The following SERPINI2 variants were observed in gnomAD, a reference collection of about 807,000 sequenced individuals.
SERPINI2 encodes the protein serpin I2.
A neutral mutation model predicts 47.3 loss-of-function variants in SERPINI2; 48 were observed. The observed-to-expected ratio is 1.02, with a 90% CI of 0.81 to 1.29. SERPINI2 has a LOEUF of 1.29. Among genes scored for constraint, SERPINI2 ranks in the 50% most tolerant of loss-of-function variants. The pLI, the probability that SERPINI2 is intolerant of heterozygous loss-of-function variation, is 0.00. For missense variants in SERPINI2, 448 were observed against 456.9 expected (o/e 0.98, Z 0.18); for synonymous variants, 135 against 149.3 (o/e 0.90, Z 0.70).
chr3:167,458,829 T>G (rs894960473), intron 5 of SERPINI2, among the ~76,000 whole-genome samples: 8 of 152,198 alleles, frequency 5.3e-5, no homozygotes, highest in Admixed American at 5.2e-4. Context: ...CTCAGTTTTC[T>G]TATCTGTGAA....
At chr3:167,446,303 T>A (rs537707425) in intron 8 of SERPINI2, 89 bp downstream of exon 8, 1 of 772,078 alleles carries the variant, frequency 1.3e-6, no homozygotes, top group African/African-American at 1.8e-5. Context: ...AAAGAACAAA[T>A]GACTTCAGAT....
rs201301916 is a variant in SERPINI2 at position 167,461,241 on chromosome 3, C to CA, written c.866+3964dup. The stretch of plus-strand genomic sequence containing the variant: ...ATTGACTGGGCAGTGATCTTTTTAA[C>CA]AAAAAAAAATAAAATAAAGCCGTCA... On this transcript the variant is annotated intron_variant, in intron 5 of 8. Coordinates refer to ENST00000264677, the Ensembl canonical transcript of SERPINI2. Among the ~76,000 whole-genome samples, 781 of 149,524 alleles carry CA rather than the reference C, an allele frequency of 5.2e-3. 1 individual carries two copies. Among genetic ancestry groups the CA allele is most frequent in the South Asian group, 0.011 (53 of 4,704 alleles).
intron 1 of SERPINI2, 136 bp downstream of exon 1, chr3:167,473,867 T>A (rs1208296828): frequency 6.6e-6 from 8 of 1,209,612 alleles, no homozygotes. Context: ...ATAAAAGCGA[T>A]ATGTTAATTA....
chr3:167,454,591 A>G (rs1425414341), intron 5 of SERPINI2, among the ~76,000 whole-genome samples: 2 of 152,200 alleles, frequency 1.3e-5, no homozygotes, highest in Non-Finnish European at 2.9e-5. Flanking sequence ...GGGCTATAAT[A>G]GTCCAATAAT....
At chr3:167,466,223 C>T (rs768365306) in intron 3 of SERPINI2, among the ~76,000 whole-genome samples, 18 of 152,254 alleles carry the variant, frequency 1.2e-4, no homozygotes, top group South Asian at 4.1e-4. Flanking sequence ...GACTGGGTGC[C>T]ATGGAGCTGT....
chr3:167,470,299 T>G (rs1750267640), intron 2 of SERPINI2, among the ~76,000 whole-genome samples: 1 of 152,150 alleles, frequency 6.6e-6, no homozygotes, highest in Non-Finnish European at 1.5e-5. Flanking sequence ...ACCAACGTCT[T>G]TTCTGTATAA....
chr3:167,458,580 C>A (rs985048594), intron 5 of SERPINI2, among the ~76,000 whole-genome samples: 1 of 152,050 alleles, frequency 6.6e-6, no homozygotes, highest in Non-Finnish European at 1.5e-5. Flanking sequence ...GAATTTCTTG[C>A]ACAAATCTTG....
chr3:167,453,048 A>T lies in SERPINI2; in HGVS notation c.867-15T>A. On this transcript the variant is annotated splice_polypyrimidine_tract_variant and intron_variant, in intron 5 of 8. Coordinates refer to ENST00000264677, the Ensembl canonical transcript of SERPINI2. Reference sequence around the variant, plus strand: ...CTACTTTAAATCTGTTATTAAAAAAAAAAGAAAAAGAAAAGTCTTGAAACA... The same window carrying T: ...CTACTTTAAATCTGTTATTAAAAAATAAAGAAAAAGAAAAGTCTTGAAACA... The T allele has an allele frequency of 2.1e-6, 3 of 1,428,212 alleles. No individual in the cohort carries two copies. Among genetic ancestry groups the T allele is most frequent in the Non-Finnish European group, 2.9e-6 (3 of 1,042,372 alleles). 88.5% of individuals were successfully genotyped at this position (1,428,212 alleles called of 1,614,324 possible).
chr3:167,453,020 G>A lies in SERPINI2; in HGVS notation c.880C>T (p.Gln294Ter), dbSNP rs762503151. The A allele has an allele frequency of 6.4e-7, 1 of 1,566,656 alleles. No homozygotes were observed. Among genetic ancestry groups the A allele is most frequent in the Non-Finnish European group, 8.7e-7 (1 of 1,150,320 alleles). Residue 294 changes from glutamine to a stop codon, truncating the protein, a stop_gained, in exon 6 of 9, where the codon CAA becomes TAA. Transcript: ENST00000264677. LOFTEE classifies it high-confidence loss of function. ...AAAACGTCTTTGAAGTCTACTTTTTGTTCTACTTTAAATCTGTTATTAAAA... is the reference window on the plus strand; with the variant it reads ...AAAACGTCTTTGAAGTCTACTTTTTATTCTACTTTAAATCTGTTATTAAAA...
chr3:167,461,182 G>C (rs1351723796), intron 5 of SERPINI2, among the ~76,000 whole-genome samples: 1 of 152,074 alleles, frequency 6.6e-6, no homozygotes, highest in Non-Finnish European at 1.5e-5. Context: ...AGTGGAGTCT[G>C]AGAATTCAGA....
chr3:167,458,684 CCAAT>C (rs1376165978), intron 5 of SERPINI2, among the ~76,000 whole-genome samples: 2 of 152,030 alleles, frequency 1.3e-5, no homozygotes, highest in African/African-American at 2.4e-5. Context: ...CAGTAGAATC[CCAAT>C]CAATGTTTTT....
chr3:167,443,448 T>A (rs949343124), intron 8 of SERPINI2, among the ~76,000 whole-genome samples: 8 of 152,312 alleles, frequency 5.3e-5, no homozygotes, highest in African/African-American at 1.9e-4. Flanking sequence ...GTCAACAATG[T>A]TTTGTTTCAA....
intron 6 of SERPINI2, among the ~76,000 whole-genome samples, chr3:167,449,935 T>C (rs1025260625): frequency 5.9e-5 from 9 of 152,342 alleles, no homozygotes; most frequent in African/African-American, 1.9e-4. Flanking sequence ...CAAGTTTTTC[T>C]GTGATATAAA....
Position 167,468,987 on chromosome 3 carries a change from GT to G in SERPINI2, c.248-1703del, listed in dbSNP as rs1750231924. On this transcript the variant is annotated intron_variant, in intron 2 of 8. Coordinates refer to ENST00000264677, the Ensembl canonical transcript of SERPINI2. The stretch of plus-strand genomic sequence containing the variant: ...CATTTGTCAAAGCAAATAGATTTAT[GT>G]CATGTACTTAAGGTCTAAGTCTATG... 2.0e-5 allele frequency among the ~76,000 whole-genome samples: 3 copies of G among 152,286 alleles called. No individual in the cohort carries two copies. The East Asian group carries it at 5.8e-4, about 29-fold the overall frequency.
intron 4 of SERPINI2, 24 bp downstream of exon 4, chr3:167,465,455 A>G (rs1445504406): frequency 1.2e-6 from 2 of 1,609,878 alleles, no homozygotes; most frequent in African/African-American, 2.7e-5. Context: ...GACTATGCTT[A>G]GGAACTGTGG....
intron 5 of SERPINI2, among the ~76,000 whole-genome samples, chr3:167,458,652 A>T (rs1749882473): frequency 6.6e-6 from 1 of 152,062 alleles, no homozygotes; most frequent in Non-Finnish European, 1.5e-5. Context: ...ATTGCTTTAC[A>T]TCTGTCCCAG....
At chr3:167,462,648 C>A (rs1010385132) in intron 5 of SERPINI2, among the ~76,000 whole-genome samples, 7 of 152,162 alleles carry the variant, frequency 4.6e-5, no homozygotes, top group Non-Finnish European at 8.8e-5. Context: ...TGGGGGGATG[C>A]AATTCAACCC....
Position 167,449,364 on chromosome 3 carries a change from CTT to C in SERPINI2, c.1001_1002del (p.Lys334SerfsTer4). On this transcript the variant is annotated frameshift_variant, in exon 7 of 9. Coordinates refer to ENST00000264677, the Ensembl canonical transcript of SERPINI2. LOFTEE classifies it high-confidence loss of function. ...CCATCTTCATTTATCTCAAAGAAAACTTTTTGCGTCACTTGGGAAACATACAC... is the reference window on the plus strand; with the variant it reads ...CCATCTTCATTTATCTCAAAGAAAACTTTGCGTCACTTGGGAAACATACAC... 6.2e-7 allele frequency: 1 copy of C among 1,612,934 alleles called. No homozygotes were observed.
In SERPINI2 at chr3:167,467,041, A is replaced by G. The variant is rs1750153624; in HGVS notation, c.478+14T>C. Reference sequence around the variant, plus strand: ...AATGGCAAATAATAATTTTATGAAAATGGGAAACTTTACCATCTGTTTTTC... The same window carrying G: ...AATGGCAAATAATAATTTTATGAAAGTGGGAAACTTTACCATCTGTTTTTC... On this transcript the variant is annotated intron_variant, in intron 3 of 8. Coordinates refer to ENST00000264677, the Ensembl canonical transcript of SERPINI2. 1 of 1,559,480 alleles carries G rather than the reference A, an allele frequency of 6.4e-7. No homozygotes were observed. The highest frequency in any genetic ancestry group is 1.4e-5 in the African/African-American group (1 of 72,986).
Sources: gnomAD v4.1 joint callset for allele counts (sites outside exome capture counted in the v4.1 genomes callset) on GRCh38, gnomAD v4.1.1 for gene constraint, MANE v1.5 for transcripts, NCBI Gene and HGNC (gene_info 2026-07-23, HGNC 2026-07-21) for gene names.